AUTS2: variants seen among roughly 807,000 people sequenced by gnomAD.
AUTS2 encodes autism susceptibility gene 2 protein.
Under a neutral mutation model 112.4 loss-of-function variants are expected in AUTS2, and 17 were observed. The observed-to-expected ratio is 0.15, with a 90% confidence interval of 0.10 to 0.23. AUTS2 has a LOEUF of 0.23. Ranked by LOEUF, AUTS2 falls within the 10% of genes least tolerant of loss-of-function variation. AUTS2 has a pLI of 1.00. For synonymous variants in AUTS2, 751 were observed against 702.7 expected, an observed-to-expected ratio of 1.07 and a Z score of -1.09; for missense variants, 1,510 against 1,701.6, an observed-to-expected ratio of 0.89 and a Z score of 1.98.
At chr7:70,681,578 G>C in intron 5 of AUTS2, among the ~76,000 whole-genome samples, 1 of 151,766 alleles carries the variant, frequency 6.6e-6, no homozygotes. Flanking sequence ...CCAAGGTGAA[G>C]GATTTCAGCG....
chr7:69,810,722 G>T (rs1790511629), intron 1 of AUTS2, among the ~76,000 whole-genome samples: 1 of 152,128 alleles, frequency 6.6e-6, no homozygotes, highest in Non-Finnish European at 1.5e-5. Flanking sequence ...TTTGGGGCAG[G>T]GAAAAATGGT....
chr7:70,100,810 A>G (rs547982616), intron 2 of AUTS2, among the ~76,000 whole-genome samples: 1 of 152,326 alleles, frequency 6.6e-6, no homozygotes, highest in East Asian at 1.9e-4. Flanking sequence ...TGAGGTGTGG[A>G]ACCCAAGGAC....
At chr7:70,777,270 A>G (rs1372756867) in intron 14 of AUTS2, 96 bp downstream of exon 14, 2 of 1,092,600 alleles carry the variant, frequency 1.8e-6, no homozygotes. Context: ...TTTAAAACAC[A>G]TTTTACAGAC....
intron 6 of AUTS2, among the ~76,000 whole-genome samples, chr7:70,713,067 C>T (rs1033304836): frequency 5.3e-5 from 8 of 152,338 alleles, no homozygotes; most frequent in African/African-American, 1.9e-4. Flanking sequence ...ACCTAGGGCT[C>T]TGCTCATCTG....
chr7:69,949,117 T>C (rs555184388), intron 2 of AUTS2, among the ~76,000 whole-genome samples: 2 of 152,298 alleles, frequency 1.3e-5, no homozygotes, highest in South Asian at 4.1e-4. Context: ...TATTTCTTGA[T>C]TTTTATTAGT....
At chr7:70,783,009 G>A (rs1487034442) in intron 15 of AUTS2, 1 of 152,240 alleles carries the variant, frequency 6.6e-6, no homozygotes, top group Non-Finnish European at 1.5e-5. Context: ...AGGGCTACAT[G>A]AAGAGCAATT....
chr7:69,996,348 C>G (rs1798942000), intron 2 of AUTS2, among the ~76,000 whole-genome samples: 1 of 152,184 alleles, frequency 6.6e-6, no homozygotes, highest in Non-Finnish European at 1.5e-5. Flanking sequence ...CTTTGAGTCT[C>G]TTGGAGTAAA....
At chr7:70,586,143 A>G (rs1802678696) in intron 5 of AUTS2, among the ~76,000 whole-genome samples, 1 of 152,162 alleles carries the variant, frequency 6.6e-6, no homozygotes, top group Non-Finnish European at 1.5e-5. Flanking sequence ...GATTACAGGC[A>G]TGAGCGATCG....
At chr7:70,593,887 G>C (rs1022919419) in intron 5 of AUTS2, among the ~76,000 whole-genome samples, 1 of 152,158 alleles carries the variant, frequency 6.6e-6, no homozygotes, top group Non-Finnish European at 1.5e-5. Context: ...GGAGAACCCT[G>C]GACCCTGAGC....
chr7:70,416,217 G>A (rs1562945048), intron 4 of AUTS2, among the ~76,000 whole-genome samples: 1 of 152,212 alleles, frequency 6.6e-6, no homozygotes, highest in Non-Finnish European at 1.5e-5. Context: ...TTTCCAGCCT[G>A]ATGACATATA....
intron 5 of AUTS2, among the ~76,000 whole-genome samples, chr7:70,697,267 G>A (rs1809168248): frequency 6.6e-6 from 1 of 152,130 alleles, no homozygotes. Flanking sequence ...TAAACTGCAT[G>A]TATAAATGTA....
chr7:70,053,680 C>T (rs1427526514), intron 2 of AUTS2, among the ~76,000 whole-genome samples: 4 of 152,108 alleles, frequency 2.6e-5, no homozygotes, highest in East Asian at 3.9e-4. Flanking sequence ...ACTTGGACTA[C>T]AGGCATGCAC....
intron 4 of AUTS2, among the ~76,000 whole-genome samples, chr7:70,157,567 A>T (rs1350876569): frequency 6.6e-6 from 1 of 151,962 alleles, no homozygotes; most frequent in Non-Finnish European, 1.5e-5. Context: ...CAATCCTCCC[A>T]CCTTGGCCTC....
At chr7:70,479,992 C>G (rs988528529) in intron 5 of AUTS2, among the ~76,000 whole-genome samples, 9 of 152,178 alleles carry the variant, frequency 5.9e-5, no homozygotes, top group African/African-American at 2.2e-4. Flanking sequence ...GACTGTCCCC[C>G]CAAAATATGG....
chr7:69,951,165 C>G (rs1297449273), intron 2 of AUTS2, among the ~76,000 whole-genome samples: 1 of 152,070 alleles, frequency 6.6e-6, no homozygotes, highest in Admixed American at 6.5e-5. Context: ...GTATTTGACT[C>G]AGCAAAAATA....
rs190301482 is a variant in AUTS2, at chr7:69,800,107, G to A, written c.310-99179G>A. 5.9e-5 allele frequency among the ~76,000 whole-genome samples: 9 copies of A among 152,232 alleles called. No homozygotes were observed. In the East Asian group the frequency reaches 7.7e-4, roughly 13 times the overall value. ...TAAGCATATACTCTCTGAAACATTC[G>A]AATCAAACCAGTGTAAGTCAGATAA... On this transcript the variant is annotated intron_variant, in intron 1 of 18. Transcript: ENST00000342771.
chr7:70,600,263 T>C (rs1213678800), intron 5 of AUTS2, among the ~76,000 whole-genome samples: 4 of 152,130 alleles, frequency 2.6e-5, no homozygotes, highest in African/African-American at 4.8e-5. Flanking sequence ...GTTTTTAGGT[T>C]TTTTGTTTTG....
At chr7:69,998,809 C>T (rs1298200394) in intron 2 of AUTS2, among the ~76,000 whole-genome samples, 1 of 152,068 alleles carries the variant, frequency 6.6e-6, no homozygotes, top group Non-Finnish European at 1.5e-5. Context: ...TCCCCCTTAC[C>T]ATATTTGGGG....
intron 1 of AUTS2, among the ~76,000 whole-genome samples, chr7:69,782,484 C>G (rs1789185369): frequency 1.3e-5 from 2 of 151,690 alleles, no homozygotes; most frequent in African/African-American, 4.9e-5. Flanking sequence ...GGATTTCAGA[C>G]CACAGGGAAT....
Sources: gnomAD v4.1 joint callset for allele counts (sites outside exome capture counted in the v4.1 genomes callset) on GRCh38, gnomAD v4.1.1 for gene constraint, MANE v1.5 for transcripts, NCBI Gene and HGNC (gene_info 2026-07-23, HGNC 2026-07-21) for gene names.